The following ERBB4 variants were observed in gnomAD, a reference collection of about 807,000 sequenced individuals.
ERBB4 encodes receptor tyrosine-protein kinase erbB-4.
In ERBB4, 42 loss-of-function variants were observed where a neutral mutation model predicts 158.0. The observed-to-expected ratio is 0.27, with a 90% CI of 0.21 to 0.34. The LOEUF (loss-of-function observed/expected upper bound fraction) is 0.34. Among genes scored for constraint, ERBB4 ranks in the 10% least tolerant of loss-of-function variants. ERBB4 has a pLI of 1.00. For missense variants in ERBB4, 1,333 were observed against 1,624.1 expected (o/e 0.82, Z 3.08); for synonymous variants, 583 against 558.7 (o/e 1.04, Z -0.61).
chr2:211,796,050 T>C (rs1421027938), intron 3 of ERBB4, among the ~76,000 whole-genome samples: 1 of 151,878 alleles, frequency 6.6e-6, no homozygotes, highest in Non-Finnish European at 1.5e-5. Context: ...CACATAGATG[T>C]GCATTATCAT....
At chr2:212,475,389 G>A (rs112509947) in intron 1 of ERBB4, among the ~76,000 whole-genome samples, 4 of 152,122 alleles carry the variant, frequency 2.6e-5, no homozygotes, top group African/African-American at 9.7e-5. Context: ...TAAAATATGT[G>A]TTAGCCTCTA....
chr2:212,255,011 T>C (rs991863181), intron 1 of ERBB4, among the ~76,000 whole-genome samples: 2 of 152,204 alleles, frequency 1.3e-5, no homozygotes, highest in Non-Finnish European at 2.9e-5. Context: ...TAGTGTTATA[T>C]CTTAATCCAC....
intron 22 of ERBB4, 101 bp from the exon 23 acceptor site, chr2:211,424,402 C>A: frequency 1.3e-6 from 1 of 750,018 alleles, no homozygotes; most frequent in Non-Finnish European, 2.2e-6. Flanking sequence ...CAGGTCAATC[C>A]AAACACCAAT....
chr2:211,444,020 A>G (rs1005809004), intron 20 of ERBB4, among the ~76,000 whole-genome samples: 1 of 152,042 alleles, frequency 6.6e-6, no homozygotes, highest in East Asian at 1.9e-4. Context: ...AAGATCATCT[A>G]TCAACTGCCA....
At chr2:212,399,536 T>TTATTTATA (rs2091129986) in intron 1 of ERBB4, among the ~76,000 whole-genome samples, 4 of 20,794 alleles carry the variant, frequency 1.9e-4, no homozygotes, top group African/African-American at 7.8e-4. Flanking sequence ...GATATATATT[T>TTATTTATA]TATATATACA....
At chr2:211,735,850 T>C (rs568030668) in intron 5 of ERBB4, among the ~76,000 whole-genome samples, 2 of 151,850 alleles carry the variant, frequency 1.3e-5, no homozygotes, top group Non-Finnish European at 2.9e-5. Context: ...TTTGGGATTA[T>C]CTTCTTAAAA....
At chr2:212,219,805 G>T (rs931633065) in intron 1 of ERBB4, among the ~76,000 whole-genome samples, 1 of 151,186 alleles carries the variant, frequency 6.6e-6, no homozygotes, top group Non-Finnish European at 1.5e-5. Context: ...AACACTCTTA[G>T]GAGCAAAATA....
At chr2:211,569,720 G>A (rs1479008205) in intron 19 of ERBB4, among the ~76,000 whole-genome samples, 1 of 152,176 alleles carries the variant, frequency 6.6e-6, no homozygotes, top group Non-Finnish European at 1.5e-5. Context: ...GGTCTGAGAA[G>A]GCTCATGTGC....
In ERBB4 at chr2:211,466,980, T is replaced by C. The variant is rs147236949; in HGVS notation, c.2488-35880A>G. ...GCAAATTTTTGCTGAATTAAAAATA[T>C]AGATTTTAAAGGTGTAATGCATTAT... On this transcript the variant is annotated intron_variant, in intron 20 of 27. Transcript: ENST00000342788. 2.2e-3 allele frequency among the ~76,000 whole-genome samples: 337 copies of C among 152,278 alleles called. 2 individuals are homozygous for C. Among genetic ancestry groups the C allele is most frequent in the Non-Finnish European group, 3.8e-3 (261 of 68,018 alleles).
At chr2:212,235,043 C>A (rs1466058387) in intron 1 of ERBB4, among the ~76,000 whole-genome samples, 1 of 152,128 alleles carries the variant, frequency 6.6e-6, no homozygotes, top group Non-Finnish European at 1.5e-5. Context: ...GTCATAAAGT[C>A]TTTACCCATG....
At chr2:211,991,704 G>T (rs2082078476) in intron 2 of ERBB4, among the ~76,000 whole-genome samples, 2 of 152,110 alleles carry the variant, frequency 1.3e-5, no homozygotes, top group Admixed American at 1.3e-4. Flanking sequence ...GCTCATTTAG[G>T]CTTATCCCAT....
intron 20 of ERBB4, among the ~76,000 whole-genome samples, chr2:211,542,927 C>A (rs2066850715): frequency 6.6e-6 from 1 of 151,704 alleles, no homozygotes; most frequent in African/African-American, 2.4e-5. Context: ...GGGAAAAGTA[C>A]ACCCTAGGTA....
intron 20 of ERBB4, among the ~76,000 whole-genome samples, chr2:211,507,766 G>C (rs1279377484): frequency 2.0e-5 from 3 of 152,080 alleles, no homozygotes; most frequent in Non-Finnish European, 4.4e-5. Flanking sequence ...AAACAGCATG[G>C]TAGTGGTAAC....
intron 2 of ERBB4, among the ~76,000 whole-genome samples, chr2:212,086,497 A>C (rs2078617316): frequency 6.6e-6 from 1 of 152,024 alleles, no homozygotes; most frequent in Admixed American, 6.6e-5. Context: ...TTTTTATATC[A>C]ATATCATGAA....
chr2:212,146,164 A>C (rs1033765914), intron 1 of ERBB4, among the ~76,000 whole-genome samples: 2 of 152,112 alleles, frequency 1.3e-5, no homozygotes, highest in African/African-American at 4.8e-5. Context: ...TCAGCCCAAT[A>C]ATTTAGCTGA....
intron 1 of ERBB4, among the ~76,000 whole-genome samples, chr2:212,145,202 G>C (rs1424282324): frequency 1.3e-5 from 2 of 152,118 alleles, no homozygotes; most frequent in Non-Finnish European, 1.5e-5. Context: ...TCAAATACTA[G>C]AGAAAGTTTT....
At chr2:211,507,403 AG>A (rs1365933822) in intron 20 of ERBB4, among the ~76,000 whole-genome samples, 4 of 152,128 alleles carry the variant, frequency 2.6e-5, no homozygotes, top group Non-Finnish European at 4.4e-5. Context: ...CAAGGATACA[AG>A]AAAAAGAGAA....
At chr2:212,334,786 T>C (rs1219555725) in intron 1 of ERBB4, among the ~76,000 whole-genome samples, 3 of 152,044 alleles carry the variant, frequency 2.0e-5, no homozygotes, top group African/African-American at 7.2e-5. Context: ...AATTTAGATA[T>C]GATCCAGATA....
At chr2:211,455,400 G>A (rs774445607) in intron 20 of ERBB4, among the ~76,000 whole-genome samples, 1 of 152,178 alleles carries the variant, frequency 6.6e-6, no homozygotes, top group Non-Finnish European at 1.5e-5. Context: ...TGGGTTCCCA[G>A]CAGTGCTAAA....
Sources: allele counts gnomAD v4.1 joint callset (sites outside exome capture counted in the v4.1 genomes callset), GRCh38; gene constraint gnomAD v4.1.1; transcripts MANE v1.5; gene names NCBI Gene and HGNC (gene_info 2026-07-23, HGNC 2026-07-21).